Variants in MOB3B observed in about 807,000 individuals in gnomAD.
The protein encoded by MOB3B is MOB kinase activator 3B, also known as MOB kinase activator-like 2B.
In MOB3B, 7 loss-of-function variants were observed where a neutral mutation model predicts 18.7. The observed-to-expected ratio is 0.37, with a 90% CI of 0.21 to 0.70. MOB3B has a LOEUF of 0.70. Among genes scored for constraint, MOB3B ranks in the 30% least tolerant of loss-of-function variants. The probability of loss-of-function intolerance (pLI) is 0.52; values close to 1 mark genes in which losing one functional copy is unlikely to be tolerated. For missense variants in MOB3B, 253 were observed against 281.3 expected (o/e 0.90, Z 0.72); for synonymous variants, 111 against 99.9 (o/e 1.11, Z -0.66).
At chr9:27,364,630 G>T (rs1587157555) in intron 2 of MOB3B, among the ~76,000 whole-genome samples, 1 of 152,292 alleles carries the variant, frequency 6.6e-6, no homozygotes, top group African/African-American at 2.4e-5. Flanking sequence ...AGATGATGTA[G>T]TGTCTCCAAG....
intron 1 of MOB3B, among the ~76,000 whole-genome samples, chr9:27,528,649 C>A (rs1820478364): frequency 1.3e-5 from 2 of 152,186 alleles, no homozygotes; most frequent in Admixed American, 6.5e-5. Flanking sequence ...CCCCAAGCCC[C>A]GCCAGATGTT....
chr9:27,445,851 T>G (rs1021324407), intron 2 of MOB3B, among the ~76,000 whole-genome samples: 8 of 152,066 alleles, frequency 5.3e-5, no homozygotes, highest in Non-Finnish European at 1.0e-4. Context: ...CGGCGGATTG[T>G]CAAGGGATAT....
chr9:27,354,865 G>C (rs35130199), intron 3 of MOB3B, among the ~76,000 whole-genome samples: 7,663 of 152,248 alleles, frequency 0.05, 352 homozygotes, highest in African/African-American at 0.11. Context: ...GGGAGCTAGG[G>C]AAGACAGAAT....
chr9:27,472,138 G>A (rs991332164), intron 1 of MOB3B, among the ~76,000 whole-genome samples: 3 of 151,958 alleles, frequency 2.0e-5, no homozygotes, highest in Non-Finnish European at 2.9e-5. Flanking sequence ...AGAGTGAAGG[G>A]TGTAAATTTT....
intron 2 of MOB3B, among the ~76,000 whole-genome samples, chr9:27,372,847 C>T (rs1821442151): frequency 6.6e-6 from 1 of 152,182 alleles, no homozygotes; most frequent in South Asian, 2.1e-4. Context: ...AAACTGAATA[C>T]TGTGTAGAGT....
intron 3 of MOB3B, among the ~76,000 whole-genome samples, chr9:27,354,004 G>A (rs186862019): frequency 1.3e-5 from 2 of 152,338 alleles, no homozygotes; most frequent in East Asian, 1.9e-4. Flanking sequence ...CATGAGCAAT[G>A]GATGATCTGT....
chr9:27,436,475 G>A (rs1018124652), intron 2 of MOB3B, among the ~76,000 whole-genome samples: 5 of 152,076 alleles, frequency 3.3e-5, no homozygotes, highest in Non-Finnish European at 7.4e-5. Flanking sequence ...CCAGTGTTTC[G>A]CACATTAGCT....
intron 2 of MOB3B, among the ~76,000 whole-genome samples, chr9:27,436,446 T>C (rs1822502793): frequency 6.6e-6 from 1 of 152,286 alleles, no homozygotes; most frequent in Non-Finnish European, 1.5e-5. Context: ...GTCATGCACG[T>C]TTTGTTTCCC....
intron 2 of MOB3B, among the ~76,000 whole-genome samples, chr9:27,371,078 T>C (rs1821409052): frequency 6.6e-6 from 1 of 152,362 alleles, no homozygotes; most frequent in African/African-American, 2.4e-5. Flanking sequence ...TACATTTGCA[T>C]TGATGTGGTT....
chr9:27,453,555 C>T (rs1822825281), intron 2 of MOB3B, among the ~76,000 whole-genome samples: 1 of 152,104 alleles, frequency 6.6e-6, no homozygotes, highest in Non-Finnish European at 1.5e-5. Flanking sequence ...TGTTTTCCAG[C>T]CAGACAGCCA....
chr9:27,517,908 T>C (rs925254752), intron 1 of MOB3B, among the ~76,000 whole-genome samples: 1 of 152,114 alleles, frequency 6.6e-6, no homozygotes, highest in Non-Finnish European at 1.5e-5. Flanking sequence ...CATTCCAAGC[T>C]TCTTCTCAGG....
chr9:27,391,169 G>C (rs144447816), intron 2 of MOB3B, among the ~76,000 whole-genome samples: 1 of 152,316 alleles, frequency 6.6e-6, no homozygotes, highest in Non-Finnish European at 1.5e-5. Context: ...ACGAGGTCTT[G>C]GGAAGAAGAG....
intron 2 of MOB3B, among the ~76,000 whole-genome samples, chr9:27,368,043 C>T (rs1821363095): frequency 6.6e-6 from 1 of 152,118 alleles, no homozygotes; most frequent in Non-Finnish European, 1.5e-5. Context: ...GTCATAAAAA[C>T]CACTCATTCT....
intron 3 of MOB3B, among the ~76,000 whole-genome samples, chr9:27,349,466 T>C (rs1001876250): frequency 3.3e-5 from 5 of 152,326 alleles, no homozygotes; most frequent in South Asian, 2.1e-4. Flanking sequence ...TAATCTTATC[T>C]GGCCGGGAAA....
chr9:27,355,824 A>AT (rs1488737116), intron 3 of MOB3B, among the ~76,000 whole-genome samples: 6 of 152,186 alleles, frequency 3.9e-5, no homozygotes, highest in South Asian at 2.1e-4. Flanking sequence ...GAGAGCATAG[A>AT]TTTTTTATGC....
chr9:27,465,425 T>C (rs1225658479), intron 1 of MOB3B, among the ~76,000 whole-genome samples: 2 of 152,200 alleles, frequency 1.3e-5, no homozygotes, highest in African/African-American at 4.8e-5. Context: ...ACAGCCTCCC[T>C]GCTGGCTGCT....
At chr9:27,528,776 G>A (rs1417449361) in intron 1 of MOB3B, among the ~76,000 whole-genome samples, 2 of 145,358 alleles carry the variant, frequency 1.4e-5, no homozygotes, top group Admixed American at 6.8e-5. Flanking sequence ...AGGAAAGAGC[G>A]CGAGGGGGGG....
intron 2 of MOB3B, among the ~76,000 whole-genome samples, chr9:27,377,995 G>T (rs1821516692): frequency 6.6e-6 from 1 of 152,198 alleles, no homozygotes; most frequent in African/African-American, 2.4e-5. Context: ...CTTCCCCCAA[G>T]AAGCCAACAC....
chr9:27,482,811 G>GTT (rs1406505726), intron 1 of MOB3B, among the ~76,000 whole-genome samples: 1 of 152,208 alleles, frequency 6.6e-6, no homozygotes, highest in African/African-American at 2.4e-5. Flanking sequence ...AAAAATTTGT[G>GTT]TAATGAGACA....
Sources: allele counts gnomAD v4.1 joint callset (sites outside exome capture counted in the v4.1 genomes callset), GRCh38; gene constraint gnomAD v4.1.1; transcripts MANE v1.5; gene names NCBI Gene and HGNC (gene_info 2026-07-23, HGNC 2026-07-21).